The following PCDH9 variants were observed in gnomAD, a reference collection of about 807,000 sequenced individuals.
PCDH9 encodes the protein protocadherin-9.
A neutral mutation model predicts 70.6 loss-of-function variants in PCDH9; 24 were observed. That is an observed-to-expected ratio of 0.34 (90% CI 0.25 to 0.48). PCDH9 has a LOEUF of 0.48. PCDH9 is among the 20% of genes least tolerant of loss of function. The pLI is 0.99. For missense variants in PCDH9, 1,281 were observed against 1,503.6 expected (o/e 0.85, Z 2.45); for synonymous variants, 562 against 558.5 (o/e 1.01, Z -0.09).
intron 2 of PCDH9, among the ~76,000 whole-genome samples, chr13:67,039,138 G>C (rs1477697732): frequency 6.6e-6 from 1 of 152,116 alleles, no homozygotes; most frequent in Non-Finnish European, 1.5e-5. Context: ...CTCTTATATT[G>C]GAGATCCTTC....
At chr13:66,895,988 A>G (rs1486863562) in intron 3 of PCDH9, among the ~76,000 whole-genome samples, 5 of 152,172 alleles carry the variant, frequency 3.3e-5, no homozygotes, top group Non-Finnish European at 7.3e-5. Context: ...GGCTTCAAAC[A>G]ACTAATTAGC....
chr13:66,380,809 C>T (rs967583339), intron 4 of PCDH9, among the ~76,000 whole-genome samples: 6 of 152,134 alleles, frequency 3.9e-5, no homozygotes, highest in African/African-American at 1.4e-4. Flanking sequence ...TCCCAGAGTG[C>T]TGGGATTACA....
intron 3 of PCDH9, among the ~76,000 whole-genome samples, chr13:66,889,620 C>A (rs2082063925): frequency 6.6e-6 from 1 of 152,154 alleles, no homozygotes; most frequent in African/African-American, 2.4e-5. Flanking sequence ...AACTCCTTGT[C>A]ACTTACTCCA....
intron 4 of PCDH9, among the ~76,000 whole-genome samples, chr13:66,427,364 A>C (rs1241325063): frequency 6.6e-6 from 1 of 151,754 alleles, no homozygotes; most frequent in African/African-American, 2.4e-5. Context: ...TATTAATAGG[A>C]AATCTCTCCA....
chr13:66,815,351 G>C (rs1449606031), intron 3 of PCDH9, among the ~76,000 whole-genome samples: 1 of 152,146 alleles, frequency 6.6e-6, no homozygotes, highest in East Asian at 1.9e-4. Context: ...AACCATTGTG[G>C]AAAGCAGTTC....
At position 67,176,079 on chromosome 13, in the gene PCDH9, T is replaced by G. The variant is rs1363951840; in HGVS notation, c.3036+49326A>C. On this transcript the variant is annotated intron_variant, in intron 2 of 4. Transcript: ENST00000377865. ...AAATGCCTAATGGGGAAAATTGCATTGAGTCTAACTTGGAAGCAAAGTTGG... is the reference window on the plus strand; with the variant it reads ...AAATGCCTAATGGGGAAAATTGCATGGAGTCTAACTTGGAAGCAAAGTTGG... Among the ~76,000 whole-genome samples the G allele has an allele frequency of 3.3e-5, 5 of 152,190 alleles. No individual in the cohort carries two copies. The East Asian group carries it at 9.6e-4, about 29-fold the overall frequency.
At position 67,226,583 on chromosome 13, in the gene PCDH9, A is replaced by G; in HGVS notation, c.1858T>C (p.Leu620=). 1 of 1,613,994 alleles carries G rather than the reference A, an allele frequency of 6.2e-7. No individual in the cohort carries two copies. The highest frequency in any genetic ancestry group is 1.6e-4 in the Middle Eastern group (1 of 6,062). The change falls in exon 2 of 5, where the codon TTG becomes CTG. Residue 620 remains leucine (L), a synonymous_variant. Coordinates refer to ENST00000377865, the MANE Select transcript of PCDH9 (RefSeq NM_203487.3). This position sits in a 1 kb window ranked among gnomAD's most constrained non-coding sequence, Gnocchi z 5.0. ...SILNDNDNFV[L]DPYSGVIKSN... is the part of the protein sequence containing the mutation. ...TTTATGACTCCAGAATAGGGATCCA[A>G]CACAAAATTATCATTGTCATTTAGA...
At chr13:66,773,264 T>C (rs1324465379) in intron 3 of PCDH9, among the ~76,000 whole-genome samples, 5 of 152,190 alleles carry the variant, frequency 3.3e-5, no homozygotes, top group Admixed American at 6.5e-5. Context: ...TCCAATACAG[T>C]AGCTCTTAGC....
At chr13:66,432,977 G>T (rs1317270119) in intron 4 of PCDH9, among the ~76,000 whole-genome samples, 1 of 151,876 alleles carries the variant, frequency 6.6e-6, no homozygotes, top group African/African-American at 2.4e-5. Context: ...TTGCTATGAG[G>T]AAGTAAATTC....
Position 66,980,735 on chromosome 13 carries a change from TTTTTTTG to T in PCDH9, c.3037-77137_3037-77131del, listed in dbSNP as rs1300129322. Among the ~76,000 whole-genome samples, 14 of 139,060 alleles carry T rather than the reference TTTTTTTG, an allele frequency of 1.0e-4. No homozygotes were observed. In the East Asian group the frequency reaches 1.2e-3, roughly 12 times the overall value. The allele number at this position is 139,060 out of a possible 152,430, so 91.2% of individuals were successfully genotyped here. A position where few individuals can be genotyped will look rare whatever the true frequency, so the allele number is the denominator to read the frequency against. ...TTTTTCCTGTTTTTTTCTTTGTTTTTTTTTTTGTTTTTTTTTTTACTATTTTATATCC... is the reference window on the plus strand; with the variant it reads ...TTTTTCCTGTTTTTTTCTTTGTTTTTTTTTTTTTTTTACTATTTTATATCC... On this transcript the variant is annotated intron_variant, in intron 2 of 4. Transcript: ENST00000377865.
At chr13:67,144,708 T>C (rs986407471) in intron 2 of PCDH9, among the ~76,000 whole-genome samples, 1 of 152,108 alleles carries the variant, frequency 6.6e-6, no homozygotes, top group Admixed American at 6.6e-5. Context: ...TTCTTAATAA[T>C]TTATTCCACT....
intron 4 of PCDH9, among the ~76,000 whole-genome samples, chr13:66,469,147 A>T (rs929837490): frequency 2.0e-5 from 3 of 152,234 alleles, no homozygotes; most frequent in Non-Finnish European, 4.4e-5. Flanking sequence ...TATCCATTGT[A>T]TTTAAATCCA....
chr13:66,794,977 G>GCGCACACACACA (rs138730894), intron 3 of PCDH9, among the ~76,000 whole-genome samples: 6 of 147,286 alleles, frequency 4.1e-5, no homozygotes, highest in African/African-American at 1.3e-4. Flanking sequence ...ACACACACAG[G>GCGCACACACACA]CACACACACA....
At chr13:66,963,488 C>T (rs184468921) in intron 2 of PCDH9, among the ~76,000 whole-genome samples, 445 of 152,218 alleles carry the variant, frequency 2.9e-3, no homozygotes, top group African/African-American at 9.6e-3. Context: ...TAGGTTCCAA[C>T]GGGAATCTAA....
At chr13:66,625,595 T>G (rs547318844) in intron 4 of PCDH9, among the ~76,000 whole-genome samples, 5 of 147,780 alleles carry the variant, frequency 3.4e-5, no homozygotes, top group Non-Finnish European at 3.0e-5. Flanking sequence ...ATATGTTGGG[T>G]TTTTTTTTCA....
At chr13:66,702,197 T>C (rs2078656301) in intron 3 of PCDH9, among the ~76,000 whole-genome samples, 1 of 152,178 alleles carries the variant, frequency 6.6e-6, no homozygotes, top group Admixed American at 6.5e-5. Flanking sequence ...TCGTATTTTA[T>C]TTTTAAAAAT....
chr13:66,605,269 A>G (rs1371235594), intron 4 of PCDH9, among the ~76,000 whole-genome samples: 2 of 152,108 alleles, frequency 1.3e-5, no homozygotes, highest in Non-Finnish European at 2.9e-5. Flanking sequence ...TTGCAGTTCT[A>G]TGATAAACTC....
intron 2 of PCDH9, among the ~76,000 whole-genome samples, chr13:67,008,939 T>C (rs2084403060): frequency 6.6e-6 from 1 of 152,160 alleles, no homozygotes; most frequent in African/African-American, 2.4e-5. Context: ...CACAAGTTTA[T>C]CACTTATTAA....
chr13:66,814,739 A>G (rs567416015), intron 3 of PCDH9, among the ~76,000 whole-genome samples: 1 of 152,264 alleles, frequency 6.6e-6, no homozygotes, highest in African/African-American at 2.4e-5. Flanking sequence ...TCTTCTTTAC[A>G]CCATATTCTA....
Sources: gnomAD v4.1 joint callset for allele counts (sites outside exome capture counted in the v4.1 genomes callset) on GRCh38, gnomAD v4.1.1 for gene constraint, Gnocchi (gnomAD v3.1) non-coding constraint, MANE v1.5 for transcripts, NCBI Gene and HGNC (gene_info 2026-07-23, HGNC 2026-07-21) for gene names.